Variants in TAFA5 observed in about 807,000 individuals in gnomAD.
TAFA5 encodes the protein chemokine-like protein TAFA-5.
In TAFA5, 6 loss-of-function variants were observed where a neutral mutation model predicts 15.3. The ratio of observed to expected loss-of-function variants is 0.39; its 90% confidence interval spans 0.21 to 0.77. TAFA5 has a LOEUF of 0.77. TAFA5 is among the 30% of genes least tolerant of loss of function. The pLI, the probability that TAFA5 is intolerant of heterozygous loss-of-function variation, is 0.41. For synonymous variants in TAFA5, 103 were observed against 80.7 expected (o/e 1.28, Z -1.48); for missense variants, 161 against 193.1 (o/e 0.83, Z 0.98).
In TAFA5 at chr22:48,550,369, T is replaced by C. The variant is rs11090854; in HGVS notation, c.112+60665T>C. 0.25 allele frequency among the ~76,000 whole-genome samples: 37,340 copies of C among 152,178 alleles called. 5,595 individuals carry two copies. The highest frequency in any genetic ancestry group is 0.43 in the African/African-American group (17,842 of 41,502). ...GGGCAAGGGCTTCCAGGCTGGCACA[T>C]GGGCCTCTCATGCACCTTTCCCACA... On this transcript the variant is annotated intron_variant, in intron 1 of 3. Transcript: ENST00000402357. The surrounding 1 kb of genome is among the most constrained non-coding windows in gnomAD (Gnocchi z 4.1).
chr22:48,516,151 C>T (rs931179622), intron 1 of TAFA5, among the ~76,000 whole-genome samples: 20 of 152,168 alleles, frequency 1.3e-4, no homozygotes, highest in African/African-American at 4.1e-4. Flanking sequence ...AACTTTATGA[C>T]GCGCTACCCA....
intron 3 of TAFA5, among the ~76,000 whole-genome samples, chr22:48,748,339 C>T (rs576643779): frequency 6.6e-5 from 10 of 152,338 alleles, no homozygotes; most frequent in South Asian, 6.2e-4. Flanking sequence ...GATGACCGAG[C>T]GCCCGTGGAC....
At chr22:48,564,297 A>C (rs78541111) in intron 1 of TAFA5, among the ~76,000 whole-genome samples, 3,458 of 152,356 alleles carry the variant, frequency 0.023, 117 homozygotes, top group African/African-American at 0.077. Context: ...AGGCCTGGGC[A>C]AGCCAGAGCA....
chr22:48,748,343 C>T (rs1465127007), intron 3 of TAFA5, among the ~76,000 whole-genome samples: 4 of 152,214 alleles, frequency 2.6e-5, no homozygotes, highest in Non-Finnish European at 4.4e-5. Flanking sequence ...ACCGAGCGCC[C>T]GTGGACCCAG....
intron 2 of TAFA5, among the ~76,000 whole-genome samples, chr22:48,654,012 C>T (rs1927147656): frequency 6.6e-6 from 1 of 152,088 alleles, no homozygotes; most frequent in Non-Finnish European, 1.5e-5. Flanking sequence ...CACGGCGGCT[C>T]TGGAGGGAAG....
At chr22:48,617,073 A>G (rs985202593) in intron 1 of TAFA5, among the ~76,000 whole-genome samples, 1 of 152,138 alleles carries the variant, frequency 6.6e-6, no homozygotes, top group Non-Finnish European at 1.5e-5. Flanking sequence ...TGGCTGAACA[A>G]TGCACTCCCC....
chr22:48,672,363 G>A (rs991852421), intron 2 of TAFA5, among the ~76,000 whole-genome samples: 4 of 152,186 alleles, frequency 2.6e-5, no homozygotes, highest in Admixed American at 6.5e-5. Context: ...GAAAATTGTA[G>A]CCTAAAGAAG....
chr22:48,568,891 G>A (rs1453325947), intron 1 of TAFA5, among the ~76,000 whole-genome samples: 2 of 152,218 alleles, frequency 1.3e-5, no homozygotes, highest in South Asian at 2.1e-4. Context: ...GGTGGGGGAC[G>A]AGGGCAGATG....
intron 1 of TAFA5, among the ~76,000 whole-genome samples, chr22:48,553,691 A>C (rs2147127896): frequency 6.6e-6 from 1 of 152,288 alleles, no homozygotes; most frequent in African/African-American, 2.4e-5. Flanking sequence ...GCCGTGGTGC[A>C]GGCCCGTCTG....
intron 1 of TAFA5, among the ~76,000 whole-genome samples, chr22:48,631,558 G>A (rs1045596384): frequency 2.0e-5 from 3 of 152,212 alleles, no homozygotes; most frequent in African/African-American, 7.2e-5. Context: ...GGGAGCTCTT[G>A]GACCAGAGCC....
At chr22:48,511,973 C>T (rs1053093699) in intron 1 of TAFA5, among the ~76,000 whole-genome samples, 10 of 152,216 alleles carry the variant, frequency 6.6e-5, no homozygotes, top group Admixed American at 3.9e-4. Flanking sequence ...AGGCTGAGGC[C>T]GGTGGCCAAG....
At chr22:48,632,135 G>A (rs1024785073) in intron 1 of TAFA5, among the ~76,000 whole-genome samples, 1 of 152,166 alleles carries the variant, frequency 6.6e-6, no homozygotes, top group African/African-American at 2.4e-5. Context: ...GAGCGGCTGG[G>A]GTGCAGGTGT....
At chr22:48,659,002 G>A (rs910866666) in intron 2 of TAFA5, among the ~76,000 whole-genome samples, 1 of 152,200 alleles carries the variant, frequency 6.6e-6, no homozygotes, top group Admixed American at 6.5e-5. Context: ...GAGCAGGTGC[G>A]ATTACCGGGC....
Position 48,675,750 on chromosome 22 carries a change from G to A in TAFA5, c.262+29004G>A, listed in dbSNP as rs112201614. Among the ~76,000 whole-genome samples the A allele has an allele frequency of 6.0e-3, 910 of 152,354 alleles. 8 individuals are homozygous for A. The highest frequency in any genetic ancestry group is 0.021 in the African/African-American group (877 of 41,584). ...CCGGGGAGCCCCGCCTGCTGGCTGA[G>A]GCCTGAGGCCTCCTGCTCTCTTATT... is the stretch of plus-strand genomic sequence containing the variant. On this transcript the variant is annotated intron_variant, in intron 2 of 3. Coordinates refer to ENST00000402357, the MANE Select transcript of TAFA5 (RefSeq NM_001082967.3).
chr22:48,497,950 A>C (rs1287082844), intron 1 of TAFA5, among the ~76,000 whole-genome samples: 1 of 44,836 alleles, frequency 2.2e-5, no homozygotes, highest in African/African-American at 1.1e-4. Context: ...GCGGGGCTGA[A>C]GAGTGGGGTG....
At chr22:48,575,994 G>A (rs946338026) in intron 1 of TAFA5, among the ~76,000 whole-genome samples, 1 of 143,950 alleles carries the variant, frequency 6.9e-6, no homozygotes, top group Non-Finnish European at 1.5e-5. Flanking sequence ...CGAGCAGCGG[G>A]CGGTGGGGGC....
At position 48,492,526 on chromosome 22, in the gene TAFA5, T is replaced by C. The variant is rs765086135; in HGVS notation, c.112+2822T>C. 6.2e-4 allele frequency among the ~76,000 whole-genome samples: 94 copies of C among 152,306 alleles called. 1 individual carries two copies. Among genetic ancestry groups the C allele is most frequent in the Admixed American group, 7.2e-4 (11 of 15,300 alleles). On this transcript the variant is annotated intron_variant, in intron 1 of 3. Coordinates refer to ENST00000402357, the MANE Select transcript of TAFA5 (RefSeq NM_001082967.3). Reference sequence around the variant, plus strand: ...AGTCCGGCCTTCTTTCTTTCTCGTGTGCTGGGATCCATATAGAAGGAGATG... The same window carrying C: ...AGTCCGGCCTTCTTTCTTTCTCGTGCGCTGGGATCCATATAGAAGGAGATG...
At chr22:48,723,549 A>T (rs1304971067) in intron 3 of TAFA5, among the ~76,000 whole-genome samples, 1 of 152,164 alleles carries the variant, frequency 6.6e-6, no homozygotes, top group East Asian at 1.9e-4. Flanking sequence ...TGCCTCCCAG[A>T]CTGACAAGCC....
At chr22:48,505,257 GCGT>G (rs1920982719) in intron 1 of TAFA5, among the ~76,000 whole-genome samples, 1 of 152,228 alleles carries the variant, frequency 6.6e-6, no homozygotes, top group Non-Finnish European at 1.5e-5. Flanking sequence ...GGGTCACCCT[GCGT>G]GGCCCCACGC....
Sources: allele counts gnomAD v4.1 joint callset (sites outside exome capture counted in the v4.1 genomes callset), GRCh38; gene constraint gnomAD v4.1.1; non-coding constraint Gnocchi (gnomAD v3.1); transcripts MANE v1.5; gene names NCBI Gene and HGNC (gene_info 2026-07-23, HGNC 2026-07-21).